Variants in NOVA1 observed in about 807,000 individuals in gnomAD.
NOVA1 encodes RNA-binding protein Nova-1.
A neutral mutation model predicts 38.0 loss-of-function variants in NOVA1; 7 were observed. The ratio of observed to expected loss-of-function variants is 0.18; its 90% confidence interval spans 0.10 to 0.35. The LOEUF is 0.35. Among genes scored for constraint, NOVA1 ranks in the 10% least tolerant of loss-of-function variants. The probability of loss-of-function intolerance (pLI) is 1.00; values close to 1 mark genes in which losing one functional copy is unlikely to be tolerated. For synonymous variants in NOVA1, 270 were observed against 232.5 expected, an observed-to-expected ratio of 1.16 and a Z score of -1.47; for missense variants, 460 against 616.0, an observed-to-expected ratio of 0.75 and a Z score of 2.68.
chr14:26,456,861 C>A (rs1594326194), intron 4 of NOVA1, among the ~76,000 whole-genome samples: 1 of 151,542 alleles, frequency 6.6e-6, no homozygotes, highest in Non-Finnish European at 1.5e-5. Context: ...ATGTCATATA[C>A]AAAGGACAGT....
intron 2 of NOVA1, among the ~76,000 whole-genome samples, chr14:26,520,461 C>G (rs1888787204): frequency 6.6e-6 from 1 of 152,146 alleles, no homozygotes; most frequent in African/African-American, 2.4e-5. Context: ...CCAATTTAGA[C>G]AGCACTTCAG....
chr14:26,491,415 G>C (rs970659607), intron 2 of NOVA1, among the ~76,000 whole-genome samples: 2 of 152,044 alleles, frequency 1.3e-5, no homozygotes. Context: ...ATGTCCTTTG[G>C]TAATGGACGT....
At chr14:26,514,433 CAGATT>C (rs887757009) in intron 2 of NOVA1, among the ~76,000 whole-genome samples, 1 of 151,528 alleles carries the variant, frequency 6.6e-6, no homozygotes, top group African/African-American at 2.4e-5. Flanking sequence ...ACAAAGTGTT[CAGATT>C]AAAGGGAGGA....
At chr14:26,552,490 A>G (rs1891223917) in intron 2 of NOVA1, among the ~76,000 whole-genome samples, 1 of 152,194 alleles carries the variant, frequency 6.6e-6, no homozygotes. Flanking sequence ...TACTATGTAG[A>G]ACACTGGAAA....
intron 4 of NOVA1, among the ~76,000 whole-genome samples, chr14:26,466,388 T>C (rs957359246): frequency 1.3e-5 from 2 of 152,158 alleles, no homozygotes; most frequent in African/African-American, 4.8e-5. Flanking sequence ...TTGGACTTAC[T>C]GTATTTAAGA....
intron 4 of NOVA1, among the ~76,000 whole-genome samples, chr14:26,465,728 G>C (rs1448818424): frequency 2.6e-5 from 4 of 152,074 alleles, no homozygotes. Context: ...ATATAGACTT[G>C]TAAGCCTATT....
intron 2 of NOVA1, among the ~76,000 whole-genome samples, chr14:26,490,823 G>A (rs1258170028): frequency 6.7e-6 from 1 of 148,394 alleles, no homozygotes; most frequent in Non-Finnish European, 1.5e-5. Flanking sequence ...CTACAGGTGC[G>A]CACCATCACA....
intron 2 of NOVA1, among the ~76,000 whole-genome samples, chr14:26,561,743 A>G (rs964774468): frequency 7.9e-5 from 12 of 152,192 alleles, no homozygotes; most frequent in Non-Finnish European, 1.3e-4. Flanking sequence ...TAAAGAAATA[A>G]AAGTTTTGTC....
intron 4 of NOVA1, among the ~76,000 whole-genome samples, chr14:26,453,200 G>GTATTTATT (rs199727685): frequency 2.9e-5 from 2 of 68,326 alleles, no homozygotes; most frequent in Non-Finnish European, 3.0e-5. Flanking sequence ...ATGTATGTAT[G>GTATTTATT]TATGTATGTA....
chr14:26,593,028 A>G (rs1289071317), intron 2 of NOVA1: 1 of 151,860 alleles, frequency 6.6e-6, no homozygotes, highest in African/African-American at 2.4e-5. Flanking sequence ...GCTTCATGAA[A>G]TAAACATTAG....
chr14:26,543,690 A>G (rs1446531904), intron 2 of NOVA1, among the ~76,000 whole-genome samples: 2 of 152,016 alleles, frequency 1.3e-5, no homozygotes, highest in Non-Finnish European at 2.9e-5. Flanking sequence ...ATTCATAGAA[A>G]AGCAAGCTTC....
chr14:26,479,276 C>A (rs1045158344), intron 3 of NOVA1: 3 of 151,894 alleles, frequency 2.0e-5, no homozygotes, highest in African/African-American at 7.2e-5. Context: ...TGGAAGAATC[C>A]ACCTTATTTA....
intron 2 of NOVA1, among the ~76,000 whole-genome samples, chr14:26,586,377 A>G (rs774897436): frequency 4.6e-5 from 7 of 151,308 alleles, no homozygotes; most frequent in Non-Finnish European, 7.4e-5. Flanking sequence ...TGGACAATAC[A>G]GCTACATTTT....
chr14:26,523,790 G>A (rs147487824), intron 2 of NOVA1, among the ~76,000 whole-genome samples: 3,001 of 125,874 alleles, frequency 0.024, 104 homozygotes, highest in African/African-American at 0.089. Context: ...TCGCTCTGTC[G>A]CCCAGGCTGG....
In NOVA1 at chr14:26,543,715, A is replaced by G. The variant is rs80004079; in HGVS notation, c.280+51695T>C. On this transcript the variant is annotated intron_variant, in intron 2 of 4. Coordinates refer to ENST00000539517, the MANE Select transcript of NOVA1 (RefSeq NM_002515.3). ...AAGCAAGCTTCCCATTATGGCCTCA[A>G]TGCCACAATGGTAGTGTAACAGGAT... Among the ~76,000 whole-genome samples the G allele has an allele frequency of 2.8e-4, 43 of 152,118 alleles. No homozygotes were observed. In the East Asian group the frequency reaches 7.9e-3, roughly 28 times the overall value.
Position 26,470,378 on chromosome 14 carries a change from C to T in NOVA1, c.519+1942G>A, listed in dbSNP as rs190404355. The T allele has an allele frequency of 1.3e-3, 2,034 of 1,508,362 alleles. 14 individuals carry two copies. The highest frequency in any genetic ancestry group is 7.3e-3 in the South Asian group (628 of 86,086). The allele number at this position is 1,508,362 out of a possible 1,614,324, so 93.4% of individuals were successfully genotyped here. The stretch of plus-strand genomic sequence containing the variant: ...AATACTGTTGGGGAGAAAATAATTA[C>T]AAAGTATTAATAATATGAAAGATTG... On this transcript the variant is annotated intron_variant, in intron 4 of 4. Coordinates refer to ENST00000539517, the MANE Select transcript of NOVA1 (RefSeq NM_002515.3).
At chr14:26,566,822 A>T (rs1892162297) in intron 2 of NOVA1, among the ~76,000 whole-genome samples, 1 of 152,206 alleles carries the variant, frequency 6.6e-6, no homozygotes, top group African/African-American at 2.4e-5. Flanking sequence ...ACTATGTTAG[A>T]ACACAGCAAA....
chr14:26,557,135 T>C (rs1198905983), intron 2 of NOVA1, among the ~76,000 whole-genome samples: 1 of 152,198 alleles, frequency 6.6e-6, no homozygotes, highest in East Asian at 1.9e-4. Flanking sequence ...TAACCTTCCC[T>C]TAACTTGATT....
In NOVA1 at chr14:26,494,554, T is replaced by C. The variant is rs533869135; in HGVS notation, c.281-14411A>G. 2.0e-5 allele frequency among the ~76,000 whole-genome samples: 3 copies of C among 152,330 alleles called. No individual in the cohort carries two copies. The South Asian group carries it at 6.2e-4, about 32-fold the overall frequency. On this transcript the variant is annotated intron_variant, in intron 2 of 4. Coordinates refer to ENST00000539517, the MANE Select transcript of NOVA1 (RefSeq NM_002515.3). ...CCATGAGGAAAAATATCAAGTGCTA[T>C]AGTATTATGGCATTTTACCTTTCCT... is the stretch of plus-strand genomic sequence containing the variant.
Sources: allele counts gnomAD v4.1 joint callset (sites outside exome capture counted in the v4.1 genomes callset), GRCh38; gene constraint gnomAD v4.1.1; transcripts MANE v1.5; gene names NCBI Gene and HGNC (gene_info 2026-07-23, HGNC 2026-07-21).